Variants in PUS7 observed in about 807,000 individuals in gnomAD.
PUS7 encodes the protein pseudouridylate synthase 7 homolog.
In PUS7, 48 loss-of-function variants were observed where a neutral mutation model predicts 79.8. The observed-to-expected ratio is 0.60, with a 90% CI of 0.48 to 0.76. PUS7 has a LOEUF of 0.76. Ranked by LOEUF, PUS7 falls within the 30% of genes least tolerant of loss-of-function variation. PUS7 has a pLI of 0.00. For missense variants in PUS7, 729 were observed against 797.6 expected, an observed-to-expected ratio of 0.91 and a Z score of 1.04; for synonymous variants, 286 against 272.2, an observed-to-expected ratio of 1.05 and a Z score of -0.50.
intron 12 of PUS7, among the ~76,000 whole-genome samples, chr7:105,466,745 GAA>G (rs1222513068): frequency 7.2e-6 from 1 of 138,182 alleles, no homozygotes; most frequent in Non-Finnish European, 1.6e-5. Flanking sequence ...ATTTTGCTGG[GAA>G]AAAAAAAAAA....
Position 105,495,243 on chromosome 7 carries a change from T to G in PUS7, c.741A>C (p.Lys247Asn), listed in dbSNP as rs781778832. 3 of 1,589,344 alleles carry G rather than the reference T, an allele frequency of 1.9e-6. No homozygotes were observed. In the Admixed American group the frequency reaches 5.0e-5, roughly 27 times the overall value. Residue 247 changes from lysine to asparagine, a missense_variant, in exon 6 of 16, where the codon AAA (lysine) becomes AAC (asparagine). Coordinates refer to ENST00000469408, the MANE Select transcript of PUS7 (RefSeq NM_019042.5). Reference protein sequence around the residue: ...AGKKALANPRKHSWPKSRGSY... With the variant: ...AGKKALANPRNHSWPKSRGSY... ...TTCCCCTAGATTTTGGCCAAGAATG[T>G]TTTCTTGGATCTTGAAAGCAAAAGA...
At chr7:105,480,305 A>T (rs920838639) in intron 9 of PUS7, among the ~76,000 whole-genome samples, 1 of 151,240 alleles carries the variant, frequency 6.6e-6, no homozygotes, top group Non-Finnish European at 1.5e-5. Context: ...AATTCCCGCC[A>T]CTACTAAAAA....
At chr7:105,515,793 TTA>T (rs1491111284) in intron 1 of PUS7, among the ~76,000 whole-genome samples, 1 of 113,050 alleles carries the variant, frequency 8.8e-6, no homozygotes, top group Non-Finnish European at 2.1e-5. Flanking sequence ...TTATTTTATT[TTA>T]TTTATTTATT....
chr7:105,478,752 A>G (rs1267887553), intron 9 of PUS7, among the ~76,000 whole-genome samples: 1 of 152,174 alleles, frequency 6.6e-6, no homozygotes, highest in East Asian at 1.9e-4. Context: ...TTTTTCCCTC[A>G]GGAAATTCTA....
intron 7 of PUS7, among the ~76,000 whole-genome samples, chr7:105,483,219 G>C (rs1283903946): frequency 6.7e-6 from 1 of 149,366 alleles, no homozygotes; most frequent in Non-Finnish European, 1.5e-5. Context: ...GCCCAGACTG[G>C]AGTGCAGTGG....
chr7:105,504,889 T>G (rs754540949), intron 4 of PUS7, among the ~76,000 whole-genome samples: 4 of 152,116 alleles, frequency 2.6e-5, no homozygotes, highest in Non-Finnish European at 5.9e-5. Flanking sequence ...GAGCAGATAA[T>G]GAATTCTGAA....
rs1466667161 is a variant in PUS7 at position 105,522,263 on chromosome 7, G to T, written c.-244C>A. ...CACGTGCGGCGCAGCGACGCGCCGC[G>T]GCCCGACTGGACCCGCCCCGGGGGC... On this transcript the variant is annotated 5_prime_UTR_variant, in exon 1 of 16. Transcript: ENST00000469408. The T allele has an allele frequency of 6.6e-6, 1 of 151,724 alleles. No individual in the cohort carries two copies. The highest frequency in any genetic ancestry group is 1.5e-5 in the Non-Finnish European group (1 of 67,876). The allele number at this position is 151,724 out of a possible 1,614,324, so 9.4% of individuals were successfully genotyped here.
chr7:105,510,990 A>G (rs1318172883), intron 1 of PUS7, among the ~76,000 whole-genome samples: 1 of 152,042 alleles, frequency 6.6e-6, no homozygotes, highest in Non-Finnish European at 1.5e-5. Flanking sequence ...CCACCTATAT[A>G]AGCATCTACA....
chr7:105,469,254 A>C (rs906953582), intron 11 of PUS7, among the ~76,000 whole-genome samples: 1 of 148,106 alleles, frequency 6.8e-6, no homozygotes, highest in Non-Finnish European at 1.5e-5. Flanking sequence ...TTAATCTCTC[A>C]TTTTTCTTTT....
intron 7 of PUS7, among the ~76,000 whole-genome samples, chr7:105,486,028 T>G (rs1257935281): frequency 6.6e-6 from 1 of 151,628 alleles, no homozygotes; most frequent in East Asian, 1.9e-4. Flanking sequence ...CTATATTTAT[T>G]TTTCTTTCTT....
intron 1 of PUS7, among the ~76,000 whole-genome samples, chr7:105,521,750 CG>C (rs1429583001): frequency 6.6e-6 from 1 of 152,130 alleles, no homozygotes; most frequent in Non-Finnish European, 1.5e-5. Flanking sequence ...CAGCGCCGCG[CG>C]GGGAGGAGGG....
At chr7:105,489,120 C>T (rs1345531197) in intron 7 of PUS7, among the ~76,000 whole-genome samples, 2 of 119,384 alleles carry the variant, frequency 1.7e-5, no homozygotes, top group African/African-American at 3.4e-5. Context: ...TGCACTCCAG[C>T]GTGGGCAACA....
intron 9 of PUS7, among the ~76,000 whole-genome samples, chr7:105,475,614 G>A (rs370638029): frequency 9.9e-5 from 15 of 152,254 alleles, no homozygotes; most frequent in South Asian, 4.1e-4. Context: ...GAGCCACCAC[G>A]CCTGACCAGA....
intron 5 of PUS7, 148 bp downstream of exon 5, chr7:105,502,272 C>T (rs1179146576): frequency 5.0e-6 from 5 of 1,006,132 alleles, no homozygotes; most frequent in Middle Eastern, 2.8e-4. Context: ...AGTGACAATA[C>T]TCACCCTCTC....
chr7:105,461,761 A>G (rs1011986930), intron 14 of PUS7, among the ~76,000 whole-genome samples: 1 of 152,218 alleles, frequency 6.6e-6, no homozygotes, highest in African/African-American at 2.4e-5. Flanking sequence ...ATAGCCTACT[A>G]CACGCCTTGG....
At chr7:105,462,781 T>C in intron 13 of PUS7, 31 bp from the exon 14 acceptor site, 1 of 1,596,418 alleles carries the variant, frequency 6.3e-7, no homozygotes, top group Non-Finnish European at 8.5e-7. Context: ...TTAGTTGAAA[T>C]GCAGCTTGTC....
At chr7:105,519,566 G>A (rs1826025753) in intron 1 of PUS7, among the ~76,000 whole-genome samples, 1 of 152,144 alleles carries the variant, frequency 6.6e-6, no homozygotes, top group Admixed American at 6.5e-5. Context: ...ATTCTAATAT[G>A]CAAAATCATT....
intron 1 of PUS7, among the ~76,000 whole-genome samples, chr7:105,515,819 ATTTATTTT>A (rs1464736170): frequency 6.2e-4 from 92 of 148,704 alleles, no homozygotes; most frequent in Non-Finnish European, 9.8e-4. Flanking sequence ...TTATTTATTT[ATTTATTTT>A]GAGACAGAGT....
rs775463185 is a variant in PUS7, at chr7:105,462,573, C to T, written c.1757+48G>A. 8.1e-6 allele frequency: 13 copies of T among 1,603,316 alleles called. No individual in the cohort carries two copies. In the Admixed American group the frequency reaches 1.9e-4, roughly 23 times the overall value. On this transcript the variant is annotated intron_variant, in intron 14 of 15. Coordinates refer to ENST00000469408, the MANE Select transcript of PUS7 (RefSeq NM_019042.5). ...CTATATAAAGTGAAGCAAAAGCTTA[C>T]AACTTATATGGTAATTCAGTTCTAT...
Sources: allele counts gnomAD v4.1 joint callset (sites outside exome capture counted in the v4.1 genomes callset), GRCh38; gene constraint gnomAD v4.1.1; transcripts MANE v1.5; gene names NCBI Gene and HGNC (gene_info 2026-07-23, HGNC 2026-07-21).